Variants in SLC27A1 observed in about 807,000 individuals in gnomAD.
SLC27A1 encodes solute carrier family 27 member 1.
A neutral mutation model predicts 62.2 loss-of-function variants in SLC27A1; 61 were observed. That is an observed-to-expected ratio of 0.98 (90% CI 0.80 to 1.21). The LOEUF is 1.21. Ranked by LOEUF, SLC27A1 falls within the 50% of genes most tolerant of loss-of-function variation. The pLI is 0.00. For missense variants in SLC27A1, 903 were observed against 932.1 expected, an observed-to-expected ratio of 0.97 and a Z score of 0.41; for synonymous variants, 435 against 408.6, an observed-to-expected ratio of 1.06 and a Z score of -0.78.
At position 17,490,571 on chromosome 19, in the gene SLC27A1, G is replaced by C. The variant is rs531515428; in HGVS notation, c.996+1454G>C. Among the ~76,000 whole-genome samples the C allele has an allele frequency of 2.0e-5, 3 of 152,198 alleles. No individual in the cohort carries two copies. In the East Asian group the frequency reaches 5.8e-4, roughly 29 times the overall value. ...GGACCCAGAGGCTATCAGATACCCTGTCCTGCCCCTCCCCACCTCCCCACA... is the reference window on the plus strand; with the variant it reads ...GGACCCAGAGGCTATCAGATACCCTCTCCTGCCCCTCCCCACCTCCCCACA... On this transcript the variant is annotated intron_variant, in intron 6 of 11. Transcript: ENST00000252595.
In SLC27A1 at chr19:17,470,554, G is replaced by A; in HGVS notation, c.14G>A (p.Gly5Asp). 1 of 1,561,574 alleles carries A rather than the reference G, an allele frequency of 6.4e-7. No individual in the cohort carries two copies. Among genetic ancestry groups the A allele is most frequent in the Non-Finnish European group, 8.6e-7 (1 of 1,162,878 alleles). MRAP[G>D]AGAASVVSLA... ...TGCTTCCCCAGGATGCGGGCTCCGG[G>A]TGCGGGCGCGGCCTCGGTGGTCTCG... Residue 5 changes from glycine to aspartate, a missense_variant, in exon 1 of 12, where the codon GGT (glycine) becomes GAT (aspartate). Gly to Asp is a moderately conservative substitution (Grantham distance 94). Transcript: ENST00000252595.
At chr19:17,492,870 G>A (rs1439763198) in intron 6 of SLC27A1, among the ~76,000 whole-genome samples, 19 of 151,998 alleles carry the variant, frequency 1.3e-4, no homozygotes, top group Admixed American at 1.2e-3. Flanking sequence ...CCCGGGAGGT[G>A]GAAGTTGCAG....
intron 6 of SLC27A1, 177 bp from the exon 7 acceptor site, chr19:17,497,078 C>G: frequency 1.8e-6 from 1 of 550,688 alleles, no homozygotes; most frequent in Non-Finnish European, 3.2e-6. Flanking sequence ...TGAACGAGTC[C>G]TAGGAGTCAA....
Position 17,504,652 on chromosome 19 carries a change from G to C in SLC27A1, c.*40G>C, listed in dbSNP as rs1279159141. The stretch of plus-strand genomic sequence containing the variant: ...TGGCCACAAACTCTGGGCCTGGTGG[G>C]AGAGGCCAGCTTGAGCCAGACAGCG... On this transcript the variant is annotated 3_prime_UTR_variant, in exon 12 of 12. Transcript: ENST00000252595. 3 of 1,612,670 alleles carry C rather than the reference G, an allele frequency of 1.9e-6. No individual in the cohort carries two copies. The highest frequency in any genetic ancestry group is 3.3e-5 in the Admixed American group (2 of 59,880).
upstream of SLC27A1, among the ~76,000 whole-genome samples, chr19:17,470,141 C>G (rs553980624): frequency 1.3e-5 from 2 of 152,124 alleles, no homozygotes; most frequent in East Asian, 1.9e-4. Flanking sequence ...CGAGGCCTGA[C>G]AGTGACCGAC....
chr19:17,474,461 A>G (rs1377445105), intron 1 of SLC27A1, among the ~76,000 whole-genome samples: 1 of 151,984 alleles, frequency 6.6e-6, no homozygotes, highest in South Asian at 2.1e-4. Context: ...CTCTGCTCCC[A>G]TGGGCCCTGT....
In SLC27A1 at chr19:17,504,521, G is replaced by C; in HGVS notation, c.1850G>C (p.Arg617Pro). 6.2e-7 allele frequency: 1 copy of C among 1,614,158 alleles called. No homozygotes were observed. Among genetic ancestry groups the C allele is most frequent in the Non-Finnish European group, 8.5e-7 (1 of 1,180,030 alleles). Reference protein sequence around the residue: ...EGFDPRQTSDRLFFLDLKQGH... With the variant: ...EGFDPRQTSDPLFFLDLKQGH... ...TTTGACCCACGCCAGACCTCAGACC[G>C]GCTCTTCTTCCTGGACCTGAAGCAG... The change falls in exon 12 of 12, where the codon CGG (arginine) becomes CCG (proline). Residue 617 changes from arginine (R) to proline (P), a missense_variant. Physicochemically the swap from Arg to Pro is moderately radical, Grantham distance 103 (BLOSUM62 -2). Coordinates refer to ENST00000252595, the MANE Select transcript of SLC27A1 (RefSeq NM_198580.3).
At chr19:17,490,551 CA>C (rs1207093138) in intron 6 of SLC27A1, among the ~76,000 whole-genome samples, 1 of 152,082 alleles carries the variant, frequency 6.6e-6, no homozygotes, top group African/African-American at 2.4e-5. Context: ...CAGCTGGACC[CA>C]GAGGCTATCA....
intron 3 of SLC27A1, 36 bp from the exon 4 acceptor site, chr19:17,487,424 C>A (rs1392466821): frequency 6.8e-7 from 1 of 1,463,262 alleles, no homozygotes; most frequent in Non-Finnish European, 9.2e-7. Flanking sequence ...CCCCCCAATG[C>A]TCAGGCCCCA....
Position 17,487,116 on chromosome 19 carries a change from A to G in SLC27A1, c.563-58A>G, listed in dbSNP as rs2075241817. 5 of 1,609,632 alleles carry G rather than the reference A, an allele frequency of 3.1e-6. No homozygotes were observed. In the East Asian group the frequency reaches 1.1e-4, roughly 36 times the overall value. ...CCCGGGCAGGGAGTTGGTGCATCCC[A>G]GGCCTCGGGAGGGGGCCTGTCCGGC... On this transcript the variant is annotated intron_variant, in intron 2 of 11. Transcript: ENST00000252595.
At position 17,501,208 on chromosome 19, in the gene SLC27A1, G is replaced by GT. The variant is rs1342038052; in HGVS notation, c.1637-64dup. ...AGACCAGGGGCTACTGCTTGACAGT[G>GT]TATCTGGTCCTGCTGGTGGGGAGGA... On this transcript the variant is annotated intron_variant, in intron 10 of 11. Transcript: ENST00000252595. 14 of 1,586,528 alleles carry GT rather than the reference G, an allele frequency of 8.8e-6. No individual in the cohort carries two copies. In the African/African-American group the frequency reaches 1.3e-4, roughly 15 times the overall value.
upstream of SLC27A1, chr19:17,470,514 G>T (rs966479536): frequency 6.6e-7 from 1 of 1,517,814 alleles, no homozygotes; most frequent in African/African-American, 1.4e-5. Context: ...AGCGGCCCGC[G>T]GCCTCAGCTC....
intron 1 of SLC27A1, among the ~76,000 whole-genome samples, chr19:17,485,058 C>T (rs997506305): frequency 3.9e-5 from 6 of 152,118 alleles, no homozygotes; most frequent in South Asian, 2.1e-4. Flanking sequence ...GAGCCAGGGG[C>T]GCAGGGTGGT....
intron 6 of SLC27A1, 150 bp from the exon 7 acceptor site, chr19:17,497,105 G>A (rs1285987738): frequency 3.4e-6 from 2 of 585,060 alleles, no homozygotes; most frequent in Non-Finnish European, 6.0e-6. Context: ...CCCTAATGGA[G>A]TGTGGACGAT....
chr19:17,500,995 G>A, intron 10 of SLC27A1, 119 bp downstream of exon 10: 2 of 1,219,856 alleles, frequency 1.6e-6, no homozygotes, highest in South Asian at 1.6e-5. Flanking sequence ...GCTCATGGCA[G>A]CCCAGGAGGA....
chr19:17,470,167 G>T (rs182700872), upstream of SLC27A1, among the ~76,000 whole-genome samples: 1 of 152,082 alleles, frequency 6.6e-6, no homozygotes, highest in African/African-American at 2.4e-5. Flanking sequence ...GGACATGCTG[G>T]CTCTGGGGGC....
chr19:17,486,447 T>G lies in SLC27A1; in HGVS notation c.168-116T>G, dbSNP rs2075229978. The G allele has an allele frequency of 4.8e-6, 6 of 1,262,412 alleles. No individual in the cohort carries two copies. The South Asian group carries it at 9.2e-5, about 19-fold the overall frequency. The allele number at this position is 1,262,412 out of a possible 1,614,324, so 78.2% of individuals were successfully genotyped here. On this transcript the variant is annotated intron_variant, in intron 1 of 11. Coordinates refer to ENST00000252595, the MANE Select transcript of SLC27A1 (RefSeq NM_198580.3). This position sits in a 1 kb window ranked among gnomAD's most constrained non-coding sequence, Gnocchi z 6.6. ...GATCCAGCCACCAAAAGTTTCACCA[T>G]AGACCTCATCAAAGCCCCTGGCTGC...
At chr19:17,497,189 C>T in intron 6 of SLC27A1, 66 bp from the exon 7 acceptor site, 1 of 1,389,026 alleles carries the variant, frequency 7.2e-7, no homozygotes, top group African/African-American at 1.5e-5. Context: ...CTCGGGGTCT[C>T]TCCTCTGATC....
intron 1 of SLC27A1, among the ~76,000 whole-genome samples, chr19:17,477,424 A>G (rs1045637053): frequency 1.1e-4 from 17 of 148,630 alleles, no homozygotes; most frequent in Non-Finnish European, 2.2e-4. Context: ...TTGTATTTGT[A>G]GTAGAGACAG....
Sources: allele counts gnomAD v4.1 joint callset (sites outside exome capture counted in the v4.1 genomes callset), GRCh38; gene constraint gnomAD v4.1.1; non-coding constraint Gnocchi (gnomAD v3.1); transcripts MANE v1.5; gene names NCBI Gene and HGNC (gene_info 2026-07-23, HGNC 2026-07-21).